The following ROBO2 variants were observed in gnomAD, a reference collection of about 807,000 sequenced individuals.
ROBO2 encodes the protein roundabout guidance receptor 2.
In ROBO2, 53 loss-of-function variants were observed where a neutral mutation model predicts 160.8. The ratio of observed to expected loss-of-function variants is 0.33; its 90% confidence interval spans 0.26 to 0.41. The LOEUF is 0.41. Ranked by LOEUF, ROBO2 falls within the 10% of genes least tolerant of loss-of-function variation. ROBO2 has a pLI of 1.00. For synonymous variants in ROBO2, 664 were observed against 611.7 expected (o/e 1.09, Z -1.26); for missense variants, 1,577 against 1,722.4 (o/e 0.92, Z 1.49).
chr3:76,278,356 TAA>T lies in ROBO2; in HGVS notation c.109+340756_109+340757del, dbSNP rs780658187. 2.6e-4 allele frequency among the ~76,000 whole-genome samples: 40 copies of T among 152,138 alleles called. 1 individual carries two copies. In the South Asian group the frequency reaches 3.3e-3, roughly 13 times the overall value. ...ATAATTGCAGAGTTTTGCATTCTAA[TAA>T]ACTGGAAAAGCCCAGGTACATTTCG... On this transcript the variant is annotated intron_variant, in intron 2 of 26. Transcript: ENST00000487694.
At chr3:77,553,195 A>G (rs1447338346) in intron 8 of ROBO2, among the ~76,000 whole-genome samples, 5 of 151,906 alleles carry the variant, frequency 3.3e-5, no homozygotes, top group Admixed American at 6.6e-5. Flanking sequence ...TCCATCTGTT[A>G]TGGTGGTGGT....
intron 2 of ROBO2, among the ~76,000 whole-genome samples, chr3:76,454,628 T>C (rs2077656015): frequency 1.3e-5 from 2 of 152,174 alleles, no homozygotes; most frequent in Admixed American, 1.3e-4. Flanking sequence ...TGAGATTACT[T>C]TTCCATCAAC....
At chr3:76,748,245 C>A (rs909702012) in intron 2 of ROBO2, among the ~76,000 whole-genome samples, 1 of 151,750 alleles carries the variant, frequency 6.6e-6, no homozygotes, top group Admixed American at 6.6e-5. Context: ...TTGTCCCTCT[C>A]TCATTTAGTG....
At chr3:76,751,231 C>T (rs1283997223) in intron 2 of ROBO2, among the ~76,000 whole-genome samples, 2 of 152,102 alleles carry the variant, frequency 1.3e-5, no homozygotes, top group Non-Finnish European at 2.9e-5. Context: ...GCTGGGAAAA[C>T]TGGCTAGCCA....
intron 2 of ROBO2, among the ~76,000 whole-genome samples, chr3:75,944,356 A>G (rs1948188382): frequency 6.6e-6 from 1 of 152,150 alleles, no homozygotes; most frequent in East Asian, 1.9e-4. Flanking sequence ...CTTATTCTTA[A>G]TTCTTATTGT....
intron 2 of ROBO2, among the ~76,000 whole-genome samples, chr3:77,209,423 C>T (rs117427845): frequency 4.6e-5 from 7 of 151,642 alleles, no homozygotes; most frequent in East Asian, 2.0e-4. Flanking sequence ...ATTTTCAATA[C>T]GTTCAAGGTA....
At chr3:76,388,504 C>G (rs1298980486) in intron 2 of ROBO2, among the ~76,000 whole-genome samples, 1 of 152,078 alleles carries the variant, frequency 6.6e-6, no homozygotes, top group Non-Finnish European at 1.5e-5. Flanking sequence ...ATCTCCTGAC[C>G]TCGCGATCCG....
At chr3:77,061,829 A>G (rs998561636) in intron 1 of ROBO2, among the ~76,000 whole-genome samples, 1 of 152,178 alleles carries the variant, frequency 6.6e-6, no homozygotes, top group South Asian at 2.1e-4. Context: ...AGCATTTTCT[A>G]TGCAGGACAG....
At chr3:77,314,368 A>C (rs2063792847) in intron 2 of ROBO2, among the ~76,000 whole-genome samples, 1 of 152,194 alleles carries the variant, frequency 6.6e-6, no homozygotes. Context: ...AAAGAATTGC[A>C]TCCAGCATTT....
chr3:77,622,091 C>T (rs2094913863), intron 22 of ROBO2, 136 bp from the exon 24 acceptor site: 2 of 725,448 alleles, frequency 2.8e-6, no homozygotes, highest in Non-Finnish European at 4.5e-6. Context: ...CTGCTGAAAG[C>T]ATTATGAACT....
At chr3:77,615,158 CA>C (rs1276467091) in intron 21 of ROBO2, among the ~76,000 whole-genome samples, 1 of 151,696 alleles carries the variant, frequency 6.6e-6, no homozygotes, top group Non-Finnish European at 1.5e-5. Context: ...CATAACTGTC[CA>C]AAAAAATAAA....
chr3:75,957,024 T>C (rs1452976720), intron 2 of ROBO2, among the ~76,000 whole-genome samples: 1 of 151,806 alleles, frequency 6.6e-6, no homozygotes, highest in African/African-American at 2.4e-5. Context: ...TATTTAATTA[T>C]AATATGAAGC....
At chr3:77,200,364 G>C (rs541530968) in intron 2 of ROBO2, among the ~76,000 whole-genome samples, 1 of 128,706 alleles carries the variant, frequency 7.8e-6, no homozygotes, top group South Asian at 2.5e-4. Context: ...GGAAACATTT[G>C]AAAGATTCCA....
At chr3:76,512,357 A>T (rs2081141767) in intron 2 of ROBO2, among the ~76,000 whole-genome samples, 1 of 150,104 alleles carries the variant, frequency 6.7e-6, no homozygotes, top group South Asian at 2.1e-4. Context: ...TAACTCTTTA[A>T]TCAAAACACA....
At chr3:76,139,049 G>A (rs2071535895) in intron 2 of ROBO2, among the ~76,000 whole-genome samples, 1 of 152,122 alleles carries the variant, frequency 6.6e-6, no homozygotes, top group Admixed American at 6.6e-5. Context: ...TTGAAACAGT[G>A]TGTGTTCACT....
intron 21 of ROBO2, among the ~76,000 whole-genome samples, chr3:77,615,320 A>C (rs1229967106): frequency 6.6e-6 from 1 of 152,164 alleles, no homozygotes; most frequent in Non-Finnish European, 1.5e-5. Context: ...CATTTGTTAC[A>C]ATTGATGCGC....
chr3:76,512,121 T>C (rs1001644755), intron 2 of ROBO2, among the ~76,000 whole-genome samples: 5 of 152,094 alleles, frequency 3.3e-5, no homozygotes, highest in Non-Finnish European at 5.9e-5. Flanking sequence ...CAAAAAAACA[T>C]TGTTAATGAG....
At chr3:77,063,446 C>A (rs2066524495) in intron 1 of ROBO2, among the ~76,000 whole-genome samples, 1 of 152,036 alleles carries the variant, frequency 6.6e-6, no homozygotes. Flanking sequence ...GGAGTTTCAC[C>A]AGAAAAATAA....
At chr3:77,200,969 C>T (rs949034454) in intron 2 of ROBO2, among the ~76,000 whole-genome samples, 1 of 152,116 alleles carries the variant, frequency 6.6e-6, no homozygotes, top group Non-Finnish European at 1.5e-5. Flanking sequence ...ATATATAATT[C>T]GAATGCAATT....
Sources: gnomAD v4.1 joint callset for allele counts (sites outside exome capture counted in the v4.1 genomes callset) on GRCh38, gnomAD v4.1.1 for gene constraint, MANE v1.5 for transcripts, NCBI Gene and HGNC (gene_info 2026-07-23, HGNC 2026-07-21) for gene names.